CSMD3: variants seen among roughly 807,000 people sequenced by gnomAD.
CSMD3 encodes CUB and Sushi multiple domains 3.
In CSMD3, 177 loss-of-function variants were observed where a neutral mutation model predicts 435.2. The ratio of observed to expected loss-of-function variants is 0.41; its 90% CI spans 0.36 to 0.46. The LOEUF (loss-of-function observed/expected upper bound fraction) is 0.46, where lower values mean the gene tolerates loss of function less well. CSMD3 is among the 20% of genes least tolerant of loss of function. The pLI is 0.34. For missense variants in CSMD3, 4,265 were observed against 4,504.6 expected (o/e 0.95, Z 1.52); for synonymous variants, 1,656 against 1,520.5 (o/e 1.09, Z -2.07).
chr8:113,312,278 T>C (rs1210185765), intron 2 of CSMD3: 6 of 152,138 alleles, frequency 3.9e-5, no homozygotes, highest in Non-Finnish European at 8.8e-5. Flanking sequence ...GTAATTATTT[T>C]ACATTGTTTG....
intron 32 of CSMD3, among the ~76,000 whole-genome samples, chr8:112,440,821 G>A (rs1417158681): frequency 2.0e-5 from 3 of 152,174 alleles, no homozygotes; most frequent in Non-Finnish European, 4.4e-5. Context: ...CTGGGATGCA[G>A]GTCATGATGC....
chr8:112,520,476 A>G (rs1027760643), intron 27 of CSMD3, among the ~76,000 whole-genome samples: 1 of 152,028 alleles, frequency 6.6e-6, no homozygotes, highest in Admixed American at 6.6e-5. Flanking sequence ...GAAATAACAT[A>G]AAGCCATATC....
intron 36 of CSMD3, among the ~76,000 whole-genome samples, chr8:112,390,171 T>C: frequency 6.6e-6 from 1 of 152,232 alleles, no homozygotes; most frequent in Admixed American, 6.5e-5. Context: ...GGAGGGAAAG[T>C]CTGCTGGCAG....
intron 10 of CSMD3, among the ~76,000 whole-genome samples, chr8:112,914,644 T>C (rs2082522839): frequency 1.3e-5 from 2 of 151,722 alleles, no homozygotes; most frequent in South Asian, 4.1e-4. Flanking sequence ...TAAAAGTTTA[T>C]CTCTTTCTCA....
chr8:112,463,656 T>C, intron 32 of CSMD3, among the ~76,000 whole-genome samples: 1 of 152,332 alleles, frequency 6.6e-6, no homozygotes, highest in Middle Eastern at 3.4e-3. Flanking sequence ...CCCTGTTGTA[T>C]GTTGTAGCCT....
At chr8:112,901,619 G>A (rs1298446356) in intron 10 of CSMD3, among the ~76,000 whole-genome samples, 2 of 151,206 alleles carry the variant, frequency 1.3e-5, no homozygotes, top group African/African-American at 4.8e-5. Context: ...CATATTTCCT[G>A]ATTCCTTCCT....
chr8:112,741,012 C>A (rs1021740105), intron 13 of CSMD3, among the ~76,000 whole-genome samples: 2 of 151,730 alleles, frequency 1.3e-5, no homozygotes, highest in African/African-American at 4.8e-5. Context: ...GTAGTTAAAG[C>A]CATTACAATG....
rs73702289 is a variant in CSMD3 at position 113,090,674 on chromosome 8, T to G, written c.917+8082A>C. Among the ~76,000 whole-genome samples the G allele has an allele frequency of 7.8e-3, 1,181 of 152,258 alleles. 19 individuals carry two copies. Among genetic ancestry groups the G allele is most frequent in the African/African-American group, 0.027 (1,132 of 41,576 alleles). ...AATCTCCTCCTCCATTGTCCTAATA[T>G]TCCATGGCCCAGCAATGCTGTTGCC... On this transcript the variant is annotated intron_variant, in intron 5 of 70. Transcript: ENST00000297405.
intron 3 of CSMD3, among the ~76,000 whole-genome samples, chr8:113,246,551 T>C (rs904956509): frequency 6.6e-6 from 1 of 152,158 alleles, no homozygotes; most frequent in Admixed American, 6.6e-5. Flanking sequence ...AAAGTCTTTG[T>C]CTAGTAAGTC....
At position 112,306,041 on chromosome 8, in the gene CSMD3, T is replaced by C; in HGVS notation, c.8037A>G (p.Thr2679=). The C allele has an allele frequency of 6.2e-7, 1 of 1,613,920 alleles. No homozygotes were observed. The highest frequency in any genetic ancestry group is 2.2e-5 in the East Asian group (1 of 44,836). ...GAGGGGTCTTGTTATGATTGCTCCA[T>C]GTTCCATCTGATTGGCATACAGCTG... ...LTTAVCQSDG[T]WSNHNKTPRC... The change falls in exon 51 of 71, where the codon ACA becomes ACG. Residue 2679 remains threonine (T), a synonymous_variant. Coordinates refer to ENST00000297405, the MANE Select transcript of CSMD3 (RefSeq NM_198123.2).
chr8:112,268,917 C>G (rs1429852702), intron 59 of CSMD3, among the ~76,000 whole-genome samples: 1 of 152,172 alleles, frequency 6.6e-6, no homozygotes, highest in Non-Finnish European at 1.5e-5. Context: ...AAGCTTGACC[C>G]TATTGACATT....
chr8:112,392,606 T>A (rs865839066), intron 35 of CSMD3, among the ~76,000 whole-genome samples: 2 of 150,518 alleles, frequency 1.3e-5, no homozygotes, highest in Non-Finnish European at 3.0e-5. Flanking sequence ...GAAAAAAAAA[T>A]ACTTTATAGA....
intron 3 of CSMD3, among the ~76,000 whole-genome samples, chr8:113,185,432 C>T (rs889694615): frequency 2.0e-5 from 3 of 152,014 alleles, no homozygotes; most frequent in Non-Finnish European, 4.4e-5. Context: ...TTCCCCATCC[C>T]TCTTTCCCAG....
rs1209261691 is a variant in CSMD3, at chr8:112,656,264, T to G, written c.2894A>C (p.Tyr965Ser). The change falls in exon 18 of 71, where the codon TAC (tyrosine) becomes TCC (serine). Residue 965 changes from tyrosine (Y) to serine (S), a missense_variant. Coordinates refer to ENST00000297405, the MANE Select transcript of CSMD3 (RefSeq NM_198123.2). ...PNLLSPLLGS[Y>S]NGTQVPQFLF... ...AAACTGGGGCACTTGGGTGCCATTG[T>G]AAGATCCAAGCAAGGGTGACAGAAG... 6.2e-7 allele frequency: 1 copy of G among 1,613,124 alleles called. No individual in the cohort carries two copies. The highest frequency in any genetic ancestry group is 8.5e-7 in the Non-Finnish European group (1 of 1,179,244).
intron 24 of CSMD3, among the ~76,000 whole-genome samples, chr8:112,571,465 G>A (rs1176379187): frequency 6.6e-6 from 1 of 151,930 alleles, no homozygotes; most frequent in Non-Finnish European, 1.5e-5. Context: ...ATATAGGTAT[G>A]CCCTACAATG....
chr8:112,502,753 G>A (rs548392739), intron 30 of CSMD3, among the ~76,000 whole-genome samples: 6 of 152,138 alleles, frequency 3.9e-5, no homozygotes, highest in Non-Finnish European at 8.8e-5. Context: ...TGGATGCTTT[G>A]GAGTTCATTA....
chr8:112,521,669 T>G (rs1474581878), intron 27 of CSMD3, among the ~76,000 whole-genome samples: 1 of 151,898 alleles, frequency 6.6e-6, no homozygotes, highest in African/African-American at 2.4e-5. Context: ...CCCTGAAATT[T>G]GTATATCCAG....
intron 1 of CSMD3, among the ~76,000 whole-genome samples, chr8:113,421,880 G>T (rs1234439156): frequency 1.3e-5 from 2 of 152,150 alleles, no homozygotes; most frequent in Non-Finnish European, 2.9e-5. Flanking sequence ...ACCACACTCT[G>T]ATAGAATTTT....
chr8:112,241,397 T>C lies in CSMD3; in HGVS notation c.10468+323A>G, dbSNP rs1054403578. On this transcript the variant is annotated intron_variant, in intron 66 of 70. Coordinates refer to ENST00000297405, the MANE Select transcript of CSMD3 (RefSeq NM_198123.2). ...TTGGATCCTTTTAAAAACATATACA[T>C]TTAAAAATGTTAAATAAGACCTCAT... Among the ~76,000 whole-genome samples the C allele has an allele frequency of 3.3e-5, 5 of 152,184 alleles. No individual in the cohort carries two copies. The East Asian group carries it at 9.7e-4, about 29-fold the overall frequency.
Sources: allele counts gnomAD v4.1 joint callset (sites outside exome capture counted in the v4.1 genomes callset), GRCh38; gene constraint gnomAD v4.1.1; transcripts MANE v1.5; gene names NCBI Gene and HGNC (gene_info 2026-07-23, HGNC 2026-07-21).